The following UNC79 variants were observed in gnomAD, a reference collection of about 807,000 sequenced individuals.
The protein encoded by UNC79 is unc-79 subunit of NALCN channel complex, also known as protein unc-79 homolog.
A neutral mutation model predicts 283.1 loss-of-function variants in UNC79; 37 were observed. The ratio of observed to expected loss-of-function variants is 0.13; its 90% CI spans 0.10 to 0.17. The LOEUF (loss-of-function observed/expected upper bound fraction) is 0.17. Among genes scored for constraint, UNC79 ranks in the 10% least tolerant of loss-of-function variants. The pLI, the probability that UNC79 is intolerant of heterozygous loss-of-function variation, is 1.00. For synonymous variants in UNC79, 1,107 were observed against 1,200.2 expected, an observed-to-expected ratio of 0.92 and a Z score of 1.61; for missense variants, 2,272 against 3,211.1, an observed-to-expected ratio of 0.71 and a Z score of 7.07.
chr14:93,499,221 G>A (rs995014254), intron 7 of UNC79, among the ~76,000 whole-genome samples: 4 of 152,200 alleles, frequency 2.6e-5, no homozygotes, highest in African/African-American at 9.6e-5. Context: ...CATAGGTGCT[G>A]TATATCACAG....
At chr14:93,441,383 G>C (rs2056292921) in intron 1 of UNC79, among the ~76,000 whole-genome samples, 1 of 151,996 alleles carries the variant, frequency 6.6e-6, no homozygotes, top group African/African-American at 2.4e-5. Flanking sequence ...TAGCCAATCT[G>C]AAAATCCTTT....
intron 1 of UNC79, among the ~76,000 whole-genome samples, chr14:93,355,451 C>T (rs112445547): frequency 0.074 from 11,334 of 152,150 alleles, 484 homozygotes; most frequent in Middle Eastern, 0.14. Context: ...CCTGCCTTGG[C>T]CTCCCAAACT....
intron 4 of UNC79, among the ~76,000 whole-genome samples, chr14:93,480,305 A>AT (rs147413446): frequency 3.3e-5 from 5 of 151,984 alleles, no homozygotes; most frequent in South Asian, 4.1e-4. Flanking sequence ...CCAAGGTCCC[A>AT]TTTTTTTTAA....
chr14:93,400,473 G>GA (rs1303782687), intron 1 of UNC79, among the ~76,000 whole-genome samples: 1 of 152,180 alleles, frequency 6.6e-6, no homozygotes, highest in Non-Finnish European at 1.5e-5. Context: ...AATGGTTCAG[G>GA]AAAGCATCCT....
chr14:93,363,305 A>T lies in UNC79; in HGVS notation c.-351+29782A>T, dbSNP rs907541719. Among the ~76,000 whole-genome samples, 8 of 152,108 alleles carry T rather than the reference A, an allele frequency of 5.3e-5. No homozygotes were observed. The East Asian group carries it at 1.5e-3, about 29-fold the overall frequency. ...GCTCTTGGTATTGATTTCTATTTTTATTGTGCTGTAGCTTGAGAGCGTAAT... is the reference window on the plus strand; with the variant it reads ...GCTCTTGGTATTGATTTCTATTTTTTTTGTGCTGTAGCTTGAGAGCGTAAT... On this transcript the variant is annotated intron_variant, in intron 1 of 49. Transcript: ENST00000256339.
At position 93,464,033 on chromosome 14, in the gene UNC79, C is replaced by T. The variant is rs149938274; in HGVS notation, c.23-3638C>T. ...GCGTGGTGGTGGGCACCTGTAGTCC[C>T]AGCTACTTGGGAGGCTGAGGCAGGA... On this transcript the variant is annotated intron_variant, in intron 1 of 48. Coordinates refer to ENST00000555664, the Ensembl canonical transcript of UNC79. Among the ~76,000 whole-genome samples the T allele has an allele frequency of 5.8e-3, 887 of 152,178 alleles. 10 individuals carry two copies. Among genetic ancestry groups the T allele is most frequent in the African/African-American group, 0.02 (841 of 41,486 alleles).
At chr14:93,416,279 C>T (rs1420523771) in intron 1 of UNC79, among the ~76,000 whole-genome samples, 2 of 146,140 alleles carry the variant, frequency 1.4e-5, no homozygotes, top group African/African-American at 5.1e-5. Flanking sequence ...TCGTTATGTA[C>T]CCAGTAGTCA....
chr14:93,509,599 G>A (rs538921832), intron 7 of UNC79, among the ~76,000 whole-genome samples: 36 of 152,234 alleles, frequency 2.4e-4, no homozygotes, highest in African/African-American at 5.3e-4. Flanking sequence ...ACCCAGCAGC[G>A]CAGTCATTAA....
intron 7 of UNC79, among the ~76,000 whole-genome samples, chr14:93,520,125 C>G (rs1372385264): frequency 2.6e-5 from 4 of 151,840 alleles, no homozygotes; most frequent in Non-Finnish European, 4.4e-5. Flanking sequence ...TGTTTGTCTT[C>G]AAATAGTCTT....
At chr14:93,551,057 T>G (rs923465007) in intron 14 of UNC79, among the ~76,000 whole-genome samples, 1 of 152,014 alleles carries the variant, frequency 6.6e-6, no homozygotes, top group African/African-American at 2.4e-5. Context: ...TTTATTTTAT[T>G]TTTTTAAATC....
At chr14:93,556,468 G>C (rs2062180041) in intron 14 of UNC79, among the ~76,000 whole-genome samples, 2 of 152,146 alleles carry the variant, frequency 1.3e-5, no homozygotes, top group Admixed American at 1.3e-4. Context: ...AAACAGAACA[G>C]AGCCTCAGAT....
intron 1 of UNC79, among the ~76,000 whole-genome samples, chr14:93,350,621 G>T (rs11851971): frequency 6.6e-6 from 1 of 152,086 alleles, no homozygotes; most frequent in Non-Finnish European, 1.5e-5. Flanking sequence ...CATTAAAACA[G>T]GGGTTACTTA....
intron 1 of UNC79, among the ~76,000 whole-genome samples, chr14:93,383,548 A>G (rs920225065): frequency 2.6e-5 from 4 of 152,196 alleles, no homozygotes; most frequent in African/African-American, 9.7e-5. Flanking sequence ...TGCATATCTT[A>G]ATTTAAAAAT....
chr14:93,585,720 T>G (rs2064172769), intron 20 of UNC79, among the ~76,000 whole-genome samples: 1 of 152,098 alleles, frequency 6.6e-6, no homozygotes, highest in Admixed American at 6.5e-5. Context: ...ATGCCCCCAG[T>G]ATGGGGGCAA....
chr14:93,580,085 A>G, intron 18 of UNC79, 64 bp from the exon 19 acceptor site: 1 of 1,447,072 alleles, frequency 6.9e-7, no homozygotes, highest in Non-Finnish European at 9.4e-7. Flanking sequence ...AAATGGACCA[A>G]ACTCCTTCTT....
At chr14:93,479,665 T>G (rs1386751945) in intron 4 of UNC79, among the ~76,000 whole-genome samples, 1 of 152,106 alleles carries the variant, frequency 6.6e-6, no homozygotes, top group Non-Finnish European at 1.5e-5. Flanking sequence ...TATAGGGTCT[T>G]ATTCTGTTGC....
intron 27 of UNC79, among the ~76,000 whole-genome samples, chr14:93,614,647 A>T (rs1207587999): frequency 6.6e-6 from 1 of 151,996 alleles, no homozygotes; most frequent in African/African-American, 2.4e-5. Flanking sequence ...AAAAAAAAAA[A>T]AAAAAATCCT....
At chr14:93,575,133 A>G in exon 17 of UNC79, 1 of 1,614,078 alleles carries the variant, frequency 6.2e-7, no homozygotes. Context: ...TAATTCAGTC[A>G]AAGAGCTGGC....
chr14:93,487,605 A>G (rs1456543506), intron 4 of UNC79, 58 bp from the exon 5 acceptor site: 6 of 1,439,376 alleles, frequency 4.2e-6, no homozygotes, highest in Non-Finnish European at 5.8e-6. Flanking sequence ...GCTCTGTGCA[A>G]AGTAACAGGT....
Sources: gnomAD v4.1 joint callset for allele counts (sites outside exome capture counted in the v4.1 genomes callset) on GRCh38, gnomAD v4.1.1 for gene constraint, MANE v1.5 for transcripts, NCBI Gene and HGNC (gene_info 2026-07-23, HGNC 2026-07-21) for gene names.